The following PXDNL variants were observed in gnomAD, a reference collection of about 807,000 sequenced individuals.
PXDNL encodes the protein probable oxidoreductase PXDNL.
Under a neutral mutation model 150.8 loss-of-function variants are expected in PXDNL, and 145 were observed. The observed-to-expected ratio is 0.96, with a 90% CI of 0.84 to 1.10. PXDNL has a LOEUF of 1.10. Among genes scored for constraint, PXDNL ranks in the 50% least tolerant of loss-of-function variants. PXDNL has a pLI of 0.00. For missense variants in PXDNL, 2,087 were observed against 1,873.9 expected, an observed-to-expected ratio of 1.11 and a Z score of -2.10; for synonymous variants, 757 against 725.7, an observed-to-expected ratio of 1.04 and a Z score of -0.69.
At chr8:51,530,509 T>C (rs1246244683) in intron 4 of PXDNL, among the ~76,000 whole-genome samples, 1 of 152,174 alleles carries the variant, frequency 6.6e-6, no homozygotes, top group East Asian at 1.9e-4. Context: ...CCCCAGTATA[T>C]TTCTCCTGCT....
intron 1 of PXDNL, among the ~76,000 whole-genome samples, chr8:51,733,759 G>A (rs1432453726): frequency 1.3e-5 from 2 of 150,018 alleles, no homozygotes; most frequent in African/African-American, 4.9e-5. Context: ...GGTGAGCCAA[G>A]GTCATGCCAC....
chr8:51,643,090 T>C (rs1174447099), intron 2 of PXDNL, among the ~76,000 whole-genome samples: 3 of 152,032 alleles, frequency 2.0e-5, no homozygotes, highest in African/African-American at 7.2e-5. Flanking sequence ...GTAGGAAGAA[T>C]CAATATTGTG....
At chr8:51,767,630 C>G (rs551749976) in intron 1 of PXDNL, among the ~76,000 whole-genome samples, 2 of 152,196 alleles carry the variant, frequency 1.3e-5, no homozygotes, top group East Asian at 3.9e-4. Context: ...TGCAGGGCCT[C>G]AAAGGTCACC....
chr8:51,533,921 G>A (rs896136494), intron 4 of PXDNL, among the ~76,000 whole-genome samples: 1 of 151,228 alleles, frequency 6.6e-6, no homozygotes, highest in Non-Finnish European at 1.5e-5. Context: ...TCTGGGAAGT[G>A]AGGAGCGTCT....
intron 4 of PXDNL, among the ~76,000 whole-genome samples, chr8:51,536,694 A>C (rs1812086140): frequency 6.6e-6 from 1 of 152,094 alleles, no homozygotes; most frequent in Non-Finnish European, 1.5e-5. Context: ...ATATATCACA[A>C]ATTTCATTCA....
At chr8:51,745,140 A>AT (rs1227206025) in intron 1 of PXDNL, among the ~76,000 whole-genome samples, 2 of 152,100 alleles carry the variant, frequency 1.3e-5, no homozygotes, top group African/African-American at 4.8e-5. Context: ...CTTATTTGTT[A>AT]TTTTGTCATC....
intron 1 of PXDNL, among the ~76,000 whole-genome samples, chr8:51,807,147 A>G (rs1470744363): frequency 2.0e-5 from 3 of 152,222 alleles, no homozygotes; most frequent in African/African-American, 7.2e-5. Flanking sequence ...GAAACTGGGT[A>G]ATTTACAAAG....
Position 51,408,499 on chromosome 8 carries a change from G to A in PXDNL, c.3125C>T (p.Ala1042Val), listed in dbSNP as rs766333696. 1.7e-5 allele frequency: 28 copies of A among 1,613,282 alleles called. No homozygotes were observed. The highest frequency in any genetic ancestry group is 2.4e-5 in the Non-Finnish European group (28 of 1,179,584). ...GYRGYNPNVN[A>V]GIINSFATAA... ...AGTAGCAAAAGAGTTAATGATGCCT[G>A]CATTCACGTTGGGGTTGTAGCCTCG... Residue 1042 changes from alanine to valine, a missense_variant, in exon 17 of 23, where the codon GCA (alanine) becomes GTA (valine). By Grantham distance (64) the Ala-to-Val change is moderately conservative. Transcript: ENST00000356297.
rs2037711146 is a variant in PXDNL at position 51,809,372 on chromosome 8, G to A, written c.-28C>T. Reference sequence around the variant, plus strand: ...CTCCATTCGCTGCTGGCCACGCGAAGAAGCAGCCGGAGGGAGAGCAGCAGC... The same window carrying A: ...CTCCATTCGCTGCTGGCCACGCGAAAAAGCAGCCGGAGGGAGAGCAGCAGC... On this transcript the variant is annotated 5_prime_UTR_variant, in exon 1 of 23. Coordinates refer to ENST00000356297, the MANE Select transcript of PXDNL (RefSeq NM_144651.5). 1.3e-6 allele frequency: 2 copies of A among 1,511,848 alleles called. No individual in the cohort carries two copies. Among genetic ancestry groups the A allele is most frequent in the African/African-American group, 2.8e-5 (2 of 70,898 alleles). The allele number at this position is 1,511,848 out of a possible 1,614,324, so 93.7% of individuals were successfully genotyped here. A position where few individuals can be genotyped will look rare whatever the true frequency, so the allele number is the denominator to read the frequency against.
At chr8:51,529,829 CTCT>C (rs1201251073) in intron 4 of PXDNL, among the ~76,000 whole-genome samples, 1 of 152,184 alleles carries the variant, frequency 6.6e-6, no homozygotes, top group Non-Finnish European at 1.5e-5. Context: ...TACACGAAAA[CTCT>C]TCTTCTAGGC....
intron 15 of PXDNL, among the ~76,000 whole-genome samples, chr8:51,412,766 C>T (rs886719807): frequency 6.6e-6 from 1 of 152,162 alleles, no homozygotes; most frequent in Non-Finnish European, 1.5e-5. Context: ...ATATCCTAAA[C>T]ATAATGTTTG....
intron 3 of PXDNL, among the ~76,000 whole-genome samples, chr8:51,585,503 G>C (rs979453348): frequency 5.3e-5 from 8 of 152,082 alleles, no homozygotes; most frequent in Non-Finnish European, 1.2e-4. Flanking sequence ...GCAGTCAATG[G>C]AGGAGACCAT....
At chr8:51,399,616 G>T (rs1218110792) in intron 17 of PXDNL, among the ~76,000 whole-genome samples, 2 of 152,158 alleles carry the variant, frequency 1.3e-5, no homozygotes, top group African/African-American at 2.4e-5. Context: ...CTATGCTTCT[G>T]GAATGATGAC....
At chr8:51,473,825 G>A (rs1189484454) in intron 7 of PXDNL, among the ~76,000 whole-genome samples, 4 of 151,670 alleles carry the variant, frequency 2.6e-5, no homozygotes, top group Non-Finnish European at 5.9e-5. Flanking sequence ...AATCAACCAT[G>A]TTAAGAATTT....
intron 12 of PXDNL, among the ~76,000 whole-genome samples, chr8:51,443,534 A>G (rs1464656861): frequency 3.3e-5 from 5 of 152,224 alleles, no homozygotes; most frequent in Admixed American, 3.3e-4. Context: ...GCTTACATGT[A>G]GCTATGCTTA....
At chr8:51,346,370 C>T (rs1806158108) in intron 19 of PXDNL, among the ~76,000 whole-genome samples, 1 of 152,150 alleles carries the variant, frequency 6.6e-6, no homozygotes, top group South Asian at 2.1e-4. Flanking sequence ...CTGATACCCA[C>T]TAGGGATTTG....
intron 8 of PXDNL, among the ~76,000 whole-genome samples, chr8:51,471,184 C>T (rs1454657796): frequency 1.4e-5 from 2 of 142,874 alleles, no homozygotes; most frequent in African/African-American, 5.1e-5. Context: ...AGGATATGAA[C>T]AGACACTTCT....
chr8:51,484,894 C>T (rs1810693903), intron 5 of PXDNL, among the ~76,000 whole-genome samples: 1 of 152,108 alleles, frequency 6.6e-6, no homozygotes, highest in Admixed American at 6.5e-5. Context: ...ACATATTTGG[C>T]AAAGAGCCTA....
In PXDNL at chr8:51,362,133, T is replaced by C. The variant is rs557075800; in HGVS notation, c.3901+9740A>G. On this transcript the variant is annotated intron_variant, in intron 19 of 22. Transcript: ENST00000356297. Reference sequence around the variant, plus strand: ...TAAGTGACTAATTGATAAGAAAATATCTGTTAACATTTTGGTTTAGTTATT... The same window carrying C: ...TAAGTGACTAATTGATAAGAAAATACCTGTTAACATTTTGGTTTAGTTATT... Among the ~76,000 whole-genome samples, 9 of 152,226 alleles carry C rather than the reference T, an allele frequency of 5.9e-5. No individual in the cohort carries two copies. In the South Asian group the frequency reaches 1.9e-3, roughly 32 times the overall value.
Sources: allele counts gnomAD v4.1 joint callset (sites outside exome capture counted in the v4.1 genomes callset), GRCh38; gene constraint gnomAD v4.1.1; transcripts MANE v1.5; gene names NCBI Gene and HGNC (gene_info 2026-07-23, HGNC 2026-07-21).